Variants in CCDC125 observed in about 807,000 individuals in gnomAD.
The protein encoded by CCDC125 is coiled-coil domain-containing protein 125.
Under a neutral mutation model 57.4 loss-of-function variants are expected in CCDC125, and 43 were observed. The observed-to-expected ratio is 0.75, with a 90% confidence interval of 0.59 to 0.97. CCDC125 has a LOEUF of 0.97. Ranked by LOEUF, CCDC125 falls within the 50% of genes least tolerant of loss-of-function variation. The pLI is 0.00. For synonymous variants in CCDC125, 187 were observed against 195.2 expected (o/e 0.96, Z 0.35); for missense variants, 563 against 595.7 (o/e 0.95, Z 0.57).
In CCDC125 at chr5:69,308,022, G is replaced by T; in HGVS notation, c.460C>A (p.Leu154Met). 6.2e-7 allele frequency: 1 copy of T among 1,612,446 alleles called. No individual in the cohort carries two copies. The highest frequency in any genetic ancestry group is 8.5e-7 in the Non-Finnish European group (1 of 1,178,584). Residue 154 changes from leucine (L) to methionine (M), a missense_variant, in exon 5 of 12, where the codon CTG becomes ATG. Coordinates refer to ENST00000396496, the MANE Select transcript of CCDC125 (RefSeq NM_176816.5). ...TGCGTATGACTTGTGGCTTTGCCCAGTATTGCCTAAGAAAAATAAAACTAG... is the reference window on the plus strand; with the variant it reads ...TGCGTATGACTTGTGGCTTTGCCCATTATTGCCTAAGAAAAATAAAACTAG... ...ALKILQSMAI[L>M]GKATSHTQAV...
At chr5:69,321,284 CATAA>C (rs143388630) in intron 1 of CCDC125, among the ~76,000 whole-genome samples, 1,569 of 152,128 alleles carry the variant, frequency 0.01, 22 homozygotes, top group African/African-American at 0.037. Context: ...CTTTGTACCT[CATAA>C]ATATAGGCAG....
intron 9 of CCDC125, among the ~76,000 whole-genome samples, chr5:69,293,378 T>C (rs1421286979): frequency 6.6e-6 from 1 of 152,056 alleles, no homozygotes; most frequent in East Asian, 1.9e-4. Context: ...TTGGCTGGGC[T>C]CAGTGGCTCA....
At chr5:69,317,996 T>C (rs1157773644) in intron 2 of CCDC125, among the ~76,000 whole-genome samples, 5 of 146,328 alleles carry the variant, frequency 3.4e-5, no homozygotes, top group Non-Finnish European at 7.5e-5. Flanking sequence ...TTTTTTTTTT[T>C]TTTTGAGACT....
chr5:69,302,173 G>A (rs1269066343), intron 7 of CCDC125, among the ~76,000 whole-genome samples: 1 of 151,914 alleles, frequency 6.6e-6, no homozygotes, highest in African/African-American at 2.4e-5. Flanking sequence ...TGTAATCCCA[G>A]CACTTTGGGA....
chr5:69,324,771 G>T (rs532442303), intron 1 of CCDC125, among the ~76,000 whole-genome samples: 3 of 152,270 alleles, frequency 2.0e-5, no homozygotes, highest in African/African-American at 7.2e-5. Context: ...CCAGCATTTT[G>T]GGAGGCTGAG....
intron 2 of CCDC125, among the ~76,000 whole-genome samples, chr5:69,319,574 C>T (rs914594245): frequency 7.7e-4 from 116 of 151,364 alleles, no homozygotes; most frequent in African/African-American, 2.7e-3. Flanking sequence ...CTCCGCCTCC[C>T]GGGTTCATGC....
intron 1 of CCDC125, among the ~76,000 whole-genome samples, chr5:69,322,510 G>A (rs1222906955): frequency 6.6e-6 from 1 of 151,282 alleles, no homozygotes; most frequent in African/African-American, 2.4e-5. Context: ...GATTGCTTGA[G>A]CCCAGGAGTT....
chr5:69,300,049 C>T lies in CCDC125; in HGVS notation c.779G>A (p.Cys260Tyr), dbSNP rs769006147. 1.2e-6 allele frequency: 2 copies of T among 1,614,228 alleles called. No individual in the cohort carries two copies. The highest frequency in any genetic ancestry group is 4.5e-5 in the East Asian group (2 of 44,886). Residue 260 changes from cysteine to tyrosine, a missense_variant, in exon 8 of 12, where the codon TGT (cysteine) becomes TAT (tyrosine). Cys to Tyr is a radical substitution (Grantham distance 194). Transcript: ENST00000396496. Reference protein sequence around the residue: ...QQKMAQENMCCDKSGFAEASG... With the variant: ...QQKMAQENMCYDKSGFAEASG... ...AGCCTCTGCAAAGCCACTTTTATCACAGCACATGTTTTCCTGAGCCATCTT... is the reference window on the plus strand; with the variant it reads ...AGCCTCTGCAAAGCCACTTTTATCATAGCACATGTTTTCCTGAGCCATCTT...
At position 69,307,694 on chromosome 5, in the gene CCDC125, AAAG is replaced by A. The variant is rs372359422; in HGVS notation, c.531+254_531+256del. The A allele has an allele frequency of 1.1e-3, 498 of 437,936 alleles. 3 individuals carry two copies. Among genetic ancestry groups the A allele is most frequent in the African/African-American group, 8.4e-3 (423 of 50,332 alleles). 27.1% of individuals were successfully genotyped at this position (437,936 alleles called of 1,614,324 possible). A position where few individuals can be genotyped will look rare whatever the true frequency, so the allele number is the denominator to read the frequency against. On this transcript the variant is annotated intron_variant, in intron 5 of 11. Transcript: ENST00000396496. ...AGGACTCCATCTCAAAAAAAAAAAA[AAAG>A]AAGAAGAAATGAGAAGTACCAATTT...
intron 7 of CCDC125, among the ~76,000 whole-genome samples, chr5:69,303,198 CTGT>C (rs1309143696): frequency 2.6e-5 from 4 of 151,534 alleles, no homozygotes; most frequent in Admixed American, 6.6e-5. Flanking sequence ...TTTGGTTTTT[CTGT>C]TGTTGTTGTT....
At chr5:69,298,054 T>A (rs1265488836) in intron 8 of CCDC125, among the ~76,000 whole-genome samples, 1 of 151,092 alleles carries the variant, frequency 6.6e-6, no homozygotes, top group Non-Finnish European at 1.5e-5. Context: ...TCCCGCTCTG[T>A]CACCAGGCTG....
At chr5:69,278,650 C>T, downstream of CCDC125, among the ~76,000 whole-genome samples, 1 of 150,346 alleles carries the variant, frequency 6.7e-6, no homozygotes, top group Admixed American at 6.6e-5. Context: ...TAACAATGTA[C>T]AGCATTGTTT....
intron 8 of CCDC125, among the ~76,000 whole-genome samples, chr5:69,299,495 A>T (rs1283825168): frequency 6.6e-6 from 1 of 152,166 alleles, no homozygotes; most frequent in East Asian, 1.9e-4. Context: ...TGACCTCATT[A>T]GCCAAACTCC....
intron 7 of CCDC125, among the ~76,000 whole-genome samples, chr5:69,301,419 A>C (rs1756424347): frequency 6.6e-6 from 1 of 151,920 alleles, no homozygotes; most frequent in Non-Finnish European, 1.5e-5. Flanking sequence ...GGATTGCTTG[A>C]GCCCAGGAGT....
At chr5:69,328,861 T>C (rs1761053264) in intron 1 of CCDC125, among the ~76,000 whole-genome samples, 1 of 151,192 alleles carries the variant, frequency 6.6e-6, no homozygotes, top group Admixed American at 6.6e-5. Flanking sequence ...TGGCGCCATC[T>C]CACCTCACTG....
intron 6 of CCDC125, among the ~76,000 whole-genome samples, chr5:69,305,389 T>G (rs972990858): frequency 1.3e-5 from 2 of 152,066 alleles, no homozygotes; most frequent in African/African-American, 4.8e-5. Context: ...ATTTTTGTAT[T>G]TTTGGTAGAG....
rs1230906752 is a variant in CCDC125, at chr5:69,282,379, T to A, written c.*350A>T. ...GAGTTCAAGATCAGCCTGGCTAACATGGTAAAACCCCGTCTCTACTAAAAA... is the reference window on the plus strand; with the variant it reads ...GAGTTCAAGATCAGCCTGGCTAACAAGGTAAAACCCCGTCTCTACTAAAAA... On this transcript the variant is annotated 3_prime_UTR_variant, in exon 12 of 12. Transcript: ENST00000396496. The A allele has an allele frequency of 5.8e-6, 1 of 172,752 alleles. No individual in the cohort carries two copies. Among genetic ancestry groups the A allele is most frequent in the Non-Finnish European group, 1.2e-5 (1 of 82,234 alleles). 10.7% of individuals were successfully genotyped at this position (172,752 alleles called of 1,614,324 possible).
In CCDC125 at chr5:69,280,301, C is replaced by T. The variant is rs1005812205; in HGVS notation, c.*2428G>A. On this transcript the variant is annotated 3_prime_UTR_variant, in exon 12 of 12. Coordinates refer to ENST00000396496, the MANE Select transcript of CCDC125 (RefSeq NM_176816.5). ...CATACACATTTTGATTTTACCTGTC[C>T]TCAAACTGATCCTTTGCACATGATA... The T allele has an allele frequency of 2.6e-5, 4 of 152,206 alleles. No homozygotes were observed. Among genetic ancestry groups the T allele is most frequent in the African/African-American group, 9.6e-5 (4 of 41,454 alleles). The allele number at this position is 152,206 out of a possible 1,614,324, so 9.4% of individuals were successfully genotyped here.
downstream of CCDC125, chr5:69,276,433 G>A: frequency 1.1e-6 from 1 of 880,272 alleles, no homozygotes; most frequent in Non-Finnish European, 1.8e-6. Context: ...TTGGGAATGA[G>A]GGCATTCACA....
Sources: allele counts gnomAD v4.1 joint callset (sites outside exome capture counted in the v4.1 genomes callset), GRCh38; gene constraint gnomAD v4.1.1; transcripts MANE v1.5; gene names NCBI Gene and HGNC (gene_info 2026-07-23, HGNC 2026-07-21).